The following KIFC3 variants were observed in gnomAD, a reference collection of about 807,000 sequenced individuals.
KIFC3 encodes kinesin-like protein KIFC3.
Under a neutral mutation model 101.8 loss-of-function variants are expected in KIFC3, and 60 were observed. The ratio of observed to expected loss-of-function variants is 0.59; its 90% CI spans 0.48 to 0.73. The LOEUF (loss-of-function observed/expected upper bound fraction) is 0.73. Among genes scored for constraint, KIFC3 ranks in the 30% least tolerant of loss-of-function variants. The probability of loss-of-function intolerance (pLI) is 0.00; values close to 1 mark genes in which losing one functional copy is unlikely to be tolerated. For synonymous variants in KIFC3, 476 were observed against 482.7 expected, an observed-to-expected ratio of 0.99 and a Z score of 0.18; for missense variants, 966 against 1,137.1, an observed-to-expected ratio of 0.85 and a Z score of 2.16.
At chr16:57,781,899 T>A in intron 3 of KIFC3, 1 of 983,350 alleles carries the variant, frequency 1.0e-6, no homozygotes, top group Non-Finnish European at 1.2e-6. Context: ...TGGCTGACCC[T>A]TGCAGAACCC....
chr16:57,852,713 T>G (rs1245297061), intron 1 of KIFC3, among the ~76,000 whole-genome samples: 1 of 151,678 alleles, frequency 6.6e-6, no homozygotes, highest in African/African-American at 2.4e-5. Context: ...AGAGGTTTAG[T>G]TCAAAGCACA....
intron 9 of KIFC3, among the ~76,000 whole-genome samples, chr16:57,767,899 C>T (rs1410564415): frequency 6.6e-6 from 1 of 152,194 alleles, no homozygotes; most frequent in Non-Finnish European, 1.5e-5. Context: ...TGGTCTTGAA[C>T]TCCTGGGCTC....
chr16:57,812,064 G>C (rs1555627893), intron 1 of KIFC3, among the ~76,000 whole-genome samples: 2 of 143,478 alleles, frequency 1.4e-5, no homozygotes, highest in Non-Finnish European at 3.1e-5. Context: ...TTTTTTTTGA[G>C]ACGGAGTCTC....
chr16:57,797,593 G>T, intron 2 of KIFC3: 3 of 670,902 alleles, frequency 4.5e-6, no homozygotes, highest in Non-Finnish European at 5.7e-6. Context: ...CCCAAGCCCC[G>T]CCAGGCCACG....
chr16:57,765,372 T>G (rs1555601728), intron 11 of KIFC3, 87 bp downstream of exon 11: 1 of 1,362,146 alleles, frequency 7.3e-7, no homozygotes, highest in African/African-American at 1.5e-5. Context: ...CTCTTAACGC[T>G]TCTTCCTGCC....
intron 1 of KIFC3, among the ~76,000 whole-genome samples, chr16:57,852,983 T>TA (rs1218895142): frequency 6.6e-6 from 1 of 152,176 alleles, no homozygotes; most frequent in Non-Finnish European, 1.5e-5. Context: ...TATGCTATAG[T>TA]ATATTTCTTT....
At chr16:57,782,481 C>T (rs533139124) in intron 3 of KIFC3, 11 of 152,414 alleles carry the variant, frequency 7.2e-5, no homozygotes, top group Admixed American at 4.6e-4. Flanking sequence ...AATTAACTGT[C>T]CCAAGGTCAC....
Position 57,771,234 on chromosome 16 carries a change from G to A in KIFC3, c.729C>T (p.Thr243=). ...LSRRLRDSHE[T]IASLRAQSPP... is the part of the protein sequence containing the mutation. ...GGGACTGGGCCCGCAGGCTGGCAAT[G>A]GTCTCGTGGCTGTCACGCAGGCGCC... Residue 243 remains threonine (T), a synonymous_variant, in exon 6 of 20, where the codon ACC becomes ACT. Coordinates refer to ENST00000445690, the MANE Select transcript of KIFC3 (RefSeq NM_001130100.2). 1 of 1,613,180 alleles carries A rather than the reference G, an allele frequency of 6.2e-7. No homozygotes were observed. Among genetic ancestry groups the A allele is most frequent in the Non-Finnish European group, 8.5e-7 (1 of 1,180,020 alleles).
chr16:57,809,445 C>T (rs143270956), intron 1 of KIFC3, among the ~76,000 whole-genome samples: 1 of 152,318 alleles, frequency 6.6e-6, no homozygotes, highest in East Asian at 1.9e-4. Context: ...CAGCTGTGAG[C>T]CACTGCACCC....
At chr16:57,803,161 G>A (rs2054844746), upstream of KIFC3, 1 of 885,838 alleles carries the variant, frequency 1.1e-6, no homozygotes, top group African/African-American at 1.6e-5. Context: ...AAGCTGCCTG[G>A]AGTCCCTTAA....
rs1286677776 is a variant in KIFC3, at chr16:57,813,874, G to A, written c.109-15592C>T. 5.1e-6 allele frequency: 5 copies of A among 985,266 alleles called. No individual in the cohort carries two copies. In the African/African-American group the frequency reaches 8.7e-5, roughly 17 times the overall value. The allele number at this position is 985,266 out of a possible 1,614,324, so 61.0% of individuals were successfully genotyped here. On this transcript the variant is annotated intron_variant, in intron 1 of 2. Coordinates refer to the KIFC3 transcript ENST00000563028. ...GGACATAAAAGCCATGCGGTCCCTG[G>A]TAGACAGGTAGGCAGAGGTGAAGGG... is the stretch of plus-strand genomic sequence containing the variant.
At chr16:57,841,707 A>G (rs2055814004) in intron 1 of KIFC3, among the ~76,000 whole-genome samples, 1 of 151,192 alleles carries the variant, frequency 6.6e-6, no homozygotes, top group African/African-American at 2.4e-5. Context: ...TGAAACCCAA[A>G]CTCTTTCCCA....
chr16:57,763,807 G>A (rs1195366026), intron 12 of KIFC3, among the ~76,000 whole-genome samples: 1 of 152,174 alleles, frequency 6.6e-6, no homozygotes, highest in Non-Finnish European at 1.5e-5. Context: ...AAGCAGGAGT[G>A]TGCAGTGCAC....
At chr16:57,760,475 G>C (rs1470879620) in intron 16 of KIFC3, 59 bp from the exon 17 acceptor site, 1 of 1,581,298 alleles carries the variant, frequency 6.3e-7, no homozygotes, top group South Asian at 1.1e-5. Flanking sequence ...ACAGGGTCAC[G>C]AGAGGGAGCT....
intron 1 of KIFC3, among the ~76,000 whole-genome samples, chr16:57,852,745 G>T (rs1200703570): frequency 3.8e-5 from 3 of 79,034 alleles, no homozygotes; most frequent in Non-Finnish European, 8.0e-5. Flanking sequence ...AGTAAAAATT[G>T]TTCTGTAAGC....
intron 10 of KIFC3, 26 bp from the exon 11 acceptor site, chr16:57,765,666 G>A (rs547575185): frequency 6.3e-7 from 1 of 1,593,266 alleles, no homozygotes; most frequent in Non-Finnish European, 8.6e-7. Flanking sequence ...ATGGGGAAAT[G>A]GGTCCAGGCC....
intron 4 of KIFC3, 114 bp downstream of exon 4, chr16:57,772,109 G>A (rs2051314446): frequency 1.2e-6 from 1 of 859,550 alleles, no homozygotes; most frequent in Non-Finnish European, 1.8e-6. Context: ...TTCTGAGACA[G>A]GGTGGGATAT....
At chr16:57,847,272 G>A (rs898266660) in intron 1 of KIFC3, among the ~76,000 whole-genome samples, 1 of 117,540 alleles carries the variant, frequency 8.5e-6, no homozygotes, top group Non-Finnish European at 1.8e-5. Context: ...GGAAGGAAGG[G>A]AAGGGAGGGA....
chr16:57,858,764 C>T (rs1004205436), intron 1 of KIFC3, among the ~76,000 whole-genome samples: 3 of 151,996 alleles, frequency 2.0e-5, no homozygotes, highest in South Asian at 2.1e-4. Context: ...CTGGCCAACA[C>T]GGTAAAACAC....
Sources: gnomAD v4.1 joint callset for allele counts (sites outside exome capture counted in the v4.1 genomes callset) on GRCh38, gnomAD v4.1.1 for gene constraint, MANE v1.5 for transcripts, NCBI Gene and HGNC (gene_info 2026-07-23, HGNC 2026-07-21) for gene names.